Variants in UTS2B observed in about 807,000 individuals in gnomAD.
UTS2B encodes the protein urotensin-2B.
Under a neutral mutation model 19.2 loss-of-function variants are expected in UTS2B, and 21 were observed. The observed-to-expected ratio is 1.09, with a 90% CI of 0.78 to 1.58. UTS2B has a LOEUF of 1.58. Among genes scored for constraint, UTS2B ranks in the 40% most tolerant of loss-of-function variants. UTS2B has a pLI of 0.00. For synonymous variants in UTS2B, 57 were observed against 50.2 expected (o/e 1.14, Z -0.58); for missense variants, 138 against 130.3 (o/e 1.06, Z -0.29).
At chr3:191,332,181 CATT>C (rs1718011872), upstream of UTS2B, among the ~76,000 whole-genome samples, 1 of 152,100 alleles carries the variant, frequency 6.6e-6, no homozygotes, top group African/African-American at 2.4e-5. Context: ...TAGCAGCTGA[CATT>C]AGGGTAAGGG....
At chr3:191,315,640 T>G (rs1431120805) in intron 3 of UTS2B, among the ~76,000 whole-genome samples, 1 of 152,224 alleles carries the variant, frequency 6.6e-6, no homozygotes, top group Non-Finnish European at 1.5e-5. Flanking sequence ...AAAAACAGTT[T>G]GTGTTTTTTC....
rs755346029 is a variant in UTS2B at position 191,276,826 on chromosome 3, T to C, written c.221A>G (p.Lys74Arg). 13 of 1,612,350 alleles carry C rather than the reference T, an allele frequency of 8.1e-6. 1 individual carries two copies. In the South Asian group the frequency reaches 1.2e-4, roughly 15 times the overall value. The change falls in exon 7 of 9, where the codon AAA becomes AGA. Residue 74 changes from lysine to arginine, a missense_variant. Transcript: ENST00000340524. ...PFNTDLALPN[K>R]LEELNQLEKL... ...TCTCACCTGGTTAAGTTCTTCCAGTTTGTTAGGTAAGGCTAGGTCTGCAAG... is the reference window on the plus strand; with the variant it reads ...TCTCACCTGGTTAAGTTCTTCCAGTCTGTTAGGTAAGGCTAGGTCTGCAAG...
intron 8 of UTS2B, among the ~76,000 whole-genome samples, chr3:191,271,200 C>CAAAAAAAAAAAAAAAA (rs66756396): frequency 2.3e-4 from 12 of 52,768 alleles, no homozygotes; most frequent in African/African-American, 7.9e-4. Flanking sequence ...GAGACTCTCT[C>CAAAAAAAAAAAAAAAA]AAAAAAAAAA....
At chr3:191,313,765 C>CT (rs1396167206) in intron 3 of UTS2B, among the ~76,000 whole-genome samples, 1 of 129,112 alleles carries the variant, frequency 7.7e-6, no homozygotes, top group Non-Finnish European at 1.6e-5. Flanking sequence ...AGGTCTCACT[C>CT]TGTCGCCCAG....
chr3:191,329,389 G>A (rs1717858423), intron 1 of UTS2B: 3 of 393,250 alleles, frequency 7.6e-6, no homozygotes, highest in Non-Finnish European at 9.0e-6. Flanking sequence ...GGACGGCCCC[G>A]GTCCATTTCC....
intron 1 of UTS2B, 118 bp downstream of exon 1, chr3:191,330,296 A>AACAC (rs3048670): frequency 0.038 from 5,251 of 137,074 alleles, 160 homozygotes; most frequent in East Asian, 0.17. Context: ...TTACAAACAA[A>AACAC]ACACACACAC....
chr3:191,300,002 G>A (rs556527464), intron 4 of UTS2B, among the ~76,000 whole-genome samples: 36 of 152,238 alleles, frequency 2.4e-4, no homozygotes, highest in African/African-American at 8.2e-4. Context: ...CATGGTGCCT[G>A]TAGCCCCTTT....
Position 191,322,183 on chromosome 3 carries a change from G to A in UTS2B, c.-585-5744C>T, listed in dbSNP as rs1004454372. 4.6e-5 allele frequency among the ~76,000 whole-genome samples: 7 copies of A among 152,242 alleles called. No homozygotes were observed. The South Asian group carries it at 1.5e-3, about 32-fold the overall frequency. On this transcript the variant is annotated intron_variant, in intron 2 of 8. Transcript: ENST00000340524. ...TAACCTGGTAGAAACATTTTAGGTA[G>A]AGTTGCTAGCCCATAACTATTTCCA...
intron 2 of UTS2B, among the ~76,000 whole-genome samples, chr3:191,327,757 G>A (rs1717784068): frequency 6.6e-6 from 1 of 152,142 alleles, no homozygotes; most frequent in South Asian, 2.1e-4. Context: ...TAGAGAAGTA[G>A]AAACGATAGA....
intron 4 of UTS2B, among the ~76,000 whole-genome samples, chr3:191,285,351 G>C (rs1716507286): frequency 6.6e-6 from 1 of 151,958 alleles, no homozygotes; most frequent in Non-Finnish European, 1.5e-5. Flanking sequence ...CCAAAAGACA[G>C]GAAAATATGG....
rs138747561 is a variant in UTS2B, at chr3:191,300,871, C to T, written c.-125+3621G>A. 8.5e-5 allele frequency among the ~76,000 whole-genome samples: 13 copies of T among 152,314 alleles called. No homozygotes were observed. The East Asian group carries it at 2.5e-3, about 29-fold the overall frequency. ...AATTGTAAGATTTCTGAGGCCTCCCCAGAAGCTCTATGTTTTCTTTACAAT... is the reference window on the plus strand; with the variant it reads ...AATTGTAAGATTTCTGAGGCCTCCCTAGAAGCTCTATGTTTTCTTTACAAT... On this transcript the variant is annotated intron_variant, in intron 4 of 8. Transcript: ENST00000340524.
At chr3:191,337,518 T>C in the UTS2B span, among the ~76,000 whole-genome samples, 5 of 152,106 alleles carry the variant, frequency 3.3e-5, no homozygotes, top group African/African-American at 1.2e-4. Context: ...CTAATTTTTG[T>C]ATTTTTAGTA....
At chr3:191,340,973 C>T in the UTS2B span, among the ~76,000 whole-genome samples, 1 of 151,524 alleles carries the variant, frequency 6.6e-6, no homozygotes, top group African/African-American at 2.4e-5. Context: ...GTAGCTAGGA[C>T]TACAGGCCCA....
chr3:191,270,972 G>A (rs368349466), intron 8 of UTS2B, among the ~76,000 whole-genome samples: 5 of 152,024 alleles, frequency 3.3e-5, no homozygotes, highest in African/African-American at 9.7e-5. Context: ...TTGGGAGGAC[G>A]AGGCTGGCAG....
intron 7 of UTS2B, among the ~76,000 whole-genome samples, chr3:191,275,581 A>G (rs757505334): frequency 3.9e-5 from 6 of 152,010 alleles, no homozygotes; most frequent in African/African-American, 9.6e-5. Flanking sequence ...TCGGGAGGCT[A>G]AGGCAGGAGA....
chr3:191,317,342 G>A (rs1717490711), intron 2 of UTS2B, among the ~76,000 whole-genome samples: 1 of 152,190 alleles, frequency 6.6e-6, no homozygotes, highest in Non-Finnish European at 1.5e-5. Context: ...GTGCTAGCCC[G>A]CAAGCAGCAC....
chr3:191,333,186 T>TA (rs1354419055), upstream of UTS2B, among the ~76,000 whole-genome samples: 1 of 152,220 alleles, frequency 6.6e-6, no homozygotes, highest in Non-Finnish European at 1.5e-5. Context: ...GAAGTACAGG[T>TA]AGCTAGCTAT....
At chr3:191,311,599 G>A (rs1560144767) in intron 3 of UTS2B, among the ~76,000 whole-genome samples, 1 of 152,116 alleles carries the variant, frequency 6.6e-6, no homozygotes, top group African/African-American at 2.4e-5. Flanking sequence ...TTCCATTCCA[G>A]AGGCCCACTT....
In UTS2B at chr3:191,316,339, T is replaced by G. The variant is rs911520562; in HGVS notation, c.-485A>C. ...TTGTTCATTTCTCCCGGTAGGTTCG[T>G]GGTCTCTCTGGTTTCAAGAGTGAAG... On this transcript the variant is annotated 5_prime_UTR_variant, in exon 3 of 9. Coordinates refer to ENST00000340524, the MANE Select transcript of UTS2B (RefSeq NM_198152.5). 6.6e-6 allele frequency: 1 copy of G among 152,562 alleles called. No individual in the cohort carries two copies. 9.5% of individuals were successfully genotyped at this position (152,562 alleles called of 1,614,324 possible).
Sources: gnomAD v4.1 joint callset for allele counts (sites outside exome capture counted in the v4.1 genomes callset) on GRCh38, gnomAD v4.1.1 for gene constraint, MANE v1.5 for transcripts, NCBI Gene and HGNC (gene_info 2026-07-23, HGNC 2026-07-21) for gene names.